The following JAKMIP2 variants were observed in gnomAD, a reference collection of about 807,000 sequenced individuals.
The protein encoded by JAKMIP2 is janus kinase and microtubule interacting protein 2.
JAKMIP2 carries 25 observed loss-of-function variants against 115.0 expected under a neutral mutation model. The observed-to-expected ratio is 0.22, with a 90% CI of 0.16 to 0.30. The LOEUF (loss-of-function observed/expected upper bound fraction) is 0.30, where lower values mean the gene tolerates loss of function less well. Among genes scored for constraint, JAKMIP2 ranks in the 10% least tolerant of loss-of-function variants. JAKMIP2 has a pLI of 1.00. For missense variants in JAKMIP2, 642 were observed against 957.6 expected (o/e 0.67, Z 4.35); for synonymous variants, 334 against 343.6 (o/e 0.97, Z 0.31).
rs1754969762 is a variant in JAKMIP2 at position 147,588,488 on chromosome 5, T to C, written c.*3219A>G. On this transcript the variant is annotated 3_prime_UTR_variant, in exon 22 of 22. Transcript: ENST00000616793. ...TTTAAACACGGTCCATTTCCATGGA[T>C]CCATGAGTGACTGGAACACATATCC... The C allele has an allele frequency of 6.6e-6, 1 of 151,424 alleles. No homozygotes were observed. Among genetic ancestry groups the C allele is most frequent in the African/African-American group, 2.4e-5 (1 of 41,228 alleles). The allele number at this position is 151,424 out of a possible 1,614,324, so 9.4% of individuals were successfully genotyped here. A position where few individuals can be genotyped will look rare whatever the true frequency, so the allele number is the denominator to read the frequency against.
chr5:147,710,951 T>G (rs1337025988), intron 1 of JAKMIP2, among the ~76,000 whole-genome samples: 5 of 152,222 alleles, frequency 3.3e-5, no homozygotes, highest in African/African-American at 1.2e-4. Flanking sequence ...GGAATAAAAA[T>G]CTTTCTACTA....
At chr5:147,757,305 G>A (rs1316312862) in intron 1 of JAKMIP2, among the ~76,000 whole-genome samples, 3 of 152,148 alleles carry the variant, frequency 2.0e-5, no homozygotes, top group Non-Finnish European at 4.4e-5. Context: ...ACCCTTCACA[G>A]GTGAAGTCAC....
At chr5:147,629,814 T>C in intron 14 of JAKMIP2, 68 bp from the exon 15 acceptor site, 1 of 1,265,026 alleles carries the variant, frequency 7.9e-7, no homozygotes, top group South Asian at 1.3e-5. Flanking sequence ...TGCCTGAACA[T>C]GAAGTTAGAG....
At chr5:147,764,922 G>GAAAGAAAGAAAGAA (rs550191358) in intron 1 of JAKMIP2, among the ~76,000 whole-genome samples, 4 of 71,738 alleles carry the variant, frequency 5.6e-5, no homozygotes, top group African/African-American at 3.4e-4. Flanking sequence ...AAGAAAGAAA[G>GAAAGAAAGAAAGAA]AGAGAGAGAG....
intron 1 of JAKMIP2, among the ~76,000 whole-genome samples, chr5:147,724,640 T>G (rs899752268): frequency 1.1e-4 from 16 of 152,014 alleles, no homozygotes; most frequent in Non-Finnish European, 2.4e-4. Context: ...GAGGCTCAGC[T>G]CAAACTCAAA....
At chr5:147,776,626 A>G (rs1057395882) in intron 1 of JAKMIP2, among the ~76,000 whole-genome samples, 1 of 152,190 alleles carries the variant, frequency 6.6e-6, no homozygotes, top group Non-Finnish European at 1.5e-5. Context: ...TTGCTTAACC[A>G]AGGTTAAAAC....
intron 1 of JAKMIP2, among the ~76,000 whole-genome samples, chr5:147,716,586 T>A (rs1753008811): frequency 6.6e-6 from 1 of 152,192 alleles, no homozygotes; most frequent in Admixed American, 6.5e-5. Context: ...TGCATTTCTC[T>A]GATGGCCAGC....
chr5:147,737,832 A>C (rs1753982836), intron 1 of JAKMIP2, among the ~76,000 whole-genome samples: 1 of 152,204 alleles, frequency 6.6e-6, no homozygotes, highest in Non-Finnish European at 1.5e-5. Context: ...ACACTACCTT[A>C]GAACTTCCTT....
In JAKMIP2 at chr5:147,599,219, T is replaced by C. The variant is rs1420557419; in HGVS notation, c.*20+2522A>G. Among the ~76,000 whole-genome samples the C allele has an allele frequency of 2.0e-5, 3 of 152,236 alleles. No homozygotes were observed. In the East Asian group the frequency reaches 5.8e-4, roughly 29 times the overall value. On this transcript the variant is annotated intron_variant, in intron 21 of 21. Coordinates refer to ENST00000616793, the MANE Select transcript of JAKMIP2 (RefSeq NM_001270941.2). ...TACTGATTAATGATTTTCCAGGCAC[T>C]GTTATGCCTTTGACATGCATAACCT...
chr5:147,595,268 A>G (rs2126558547), intron 21 of JAKMIP2, among the ~76,000 whole-genome samples: 1 of 152,340 alleles, frequency 6.6e-6, no homozygotes, highest in Admixed American at 6.5e-5. Context: ...TCATGCTGAA[A>G]GTTAATCCCC....
At chr5:147,695,298 C>T (rs893110623) in intron 1 of JAKMIP2, among the ~76,000 whole-genome samples, 1 of 152,096 alleles carries the variant, frequency 6.6e-6, no homozygotes, top group African/African-American at 2.4e-5. Context: ...AAATTGGCAC[C>T]AATTGCCCGG....
At chr5:147,608,399 G>C (rs558909292) in intron 20 of JAKMIP2, among the ~76,000 whole-genome samples, 1 of 152,094 alleles carries the variant, frequency 6.6e-6, no homozygotes, top group East Asian at 1.9e-4. Context: ...GTTTCAAATA[G>C]CTTATTTGTT....
rs944535163 is a variant in JAKMIP2 at position 147,593,184 on chromosome 5, T to C, written c.*21-1498A>G. On this transcript the variant is annotated intron_variant, in intron 21 of 21. Transcript: ENST00000616793. ...AGTTGTCTCCTTGCTCCACACTCCA[T>C]CAAAAAGCTACCTCCTTAGCAAAAA... Among the ~76,000 whole-genome samples, 5 of 152,256 alleles carry C rather than the reference T, an allele frequency of 3.3e-5. No individual in the cohort carries two copies. In the East Asian group the frequency reaches 9.7e-4, roughly 29 times the overall value.
chr5:147,622,624 T>C (rs1321076362), intron 17 of JAKMIP2, among the ~76,000 whole-genome samples: 1 of 152,258 alleles, frequency 6.6e-6, no homozygotes, highest in Admixed American at 6.5e-5. Context: ...ATGATATGTA[T>C]ACACCACCTT....
intron 1 of JAKMIP2, among the ~76,000 whole-genome samples, chr5:147,731,661 T>C (rs998980749): frequency 6.6e-6 from 1 of 152,248 alleles, no homozygotes; most frequent in Non-Finnish European, 1.5e-5. Context: ...ATCGTCATGT[T>C]TACCCAGGAA....
At chr5:147,699,452 T>G (rs550073033) in intron 1 of JAKMIP2, among the ~76,000 whole-genome samples, 1 of 151,852 alleles carries the variant, frequency 6.6e-6, no homozygotes, top group South Asian at 2.1e-4. Flanking sequence ...AAAAAACAAT[T>G]AGAGAGGGAC....
intron 1 of JAKMIP2, among the ~76,000 whole-genome samples, chr5:147,775,496 T>A (rs1755523074): frequency 6.6e-6 from 1 of 152,184 alleles, no homozygotes; most frequent in Non-Finnish European, 1.5e-5. Flanking sequence ...TGACTTGCAA[T>A]TCAATTTTTA....
At chr5:147,760,167 G>A (rs1754882261) in intron 1 of JAKMIP2, among the ~76,000 whole-genome samples, 1 of 152,066 alleles carries the variant, frequency 6.6e-6, no homozygotes, top group Admixed American at 6.6e-5. Context: ...TTGCCCCTGT[G>A]AAGATCGAAA....
chr5:147,591,710 AT>A, intron 21 of JAKMIP2, 24 bp from the exon 22 acceptor site: 1 of 1,443,782 alleles, frequency 6.9e-7, no homozygotes, highest in East Asian at 2.3e-5. Flanking sequence ...GAAAAAAATT[AT>A]TTATATATCA....
Sources: allele counts gnomAD v4.1 joint callset (sites outside exome capture counted in the v4.1 genomes callset), GRCh38; gene constraint gnomAD v4.1.1; transcripts MANE v1.5; gene names NCBI Gene and HGNC (gene_info 2026-07-23, HGNC 2026-07-21).